The following ANKRD46 variants were observed in gnomAD, a reference collection of about 807,000 sequenced individuals.
ANKRD46 encodes the protein ankyrin repeat domain 46.
A neutral mutation model predicts 19.8 loss-of-function variants in ANKRD46; 13 were observed. The ratio of observed to expected loss-of-function variants is 0.66; its 90% CI spans 0.43 to 1.04. ANKRD46 has a LOEUF of 1.04. Among genes scored for constraint, ANKRD46 ranks in the 50% least tolerant of loss-of-function variants. The pLI, the probability that ANKRD46 is intolerant of heterozygous loss-of-function variation, is 0.00. For missense variants in ANKRD46, 185 were observed against 274.8 expected (o/e 0.67, Z 2.31); for synonymous variants, 91 against 106.9 (o/e 0.85, Z 0.92).
intron 1 of ANKRD46, among the ~76,000 whole-genome samples, chr8:100,552,427 T>C (rs138927068): frequency 6.6e-6 from 1 of 152,006 alleles, no homozygotes; most frequent in East Asian, 1.9e-4. Context: ...CAAACATGAA[T>C]TTAATATATT....
downstream of ANKRD46, among the ~76,000 whole-genome samples, chr8:100,518,789 T>C (rs1811674891): frequency 1.3e-5 from 2 of 151,760 alleles, no homozygotes; most frequent in African/African-American, 4.9e-5. Context: ...GAGGCAGAGC[T>C]TGCAGTGAGC....
rs1368916573 is a variant in ANKRD46 at position 100,544,898 on chromosome 8, TCA to T, written c.-130-11589_-130-11588del. Among the ~76,000 whole-genome samples the T allele has an allele frequency of 6.6e-6, 1 of 152,186 alleles. No individual in the cohort carries two copies. Among genetic ancestry groups the T allele is most frequent in the South Asian group, 2.1e-4 (1 of 4,820 alleles). ...AGCAACTCATAGAGTCTGGTGCTCT[TCA>T]CAGAGTGAACAAGCAGAGAAGCCCA... is the stretch of plus-strand genomic sequence containing the variant. On this transcript the variant is annotated intron_variant, in intron 1 of 4. Transcript: ENST00000335659. This position sits in a 1 kb window ranked among gnomAD's most constrained non-coding sequence, Gnocchi z 4.4.
At chr8:100,551,642 T>C (rs1030042312) in intron 1 of ANKRD46, 32 of 702,012 alleles carry the variant, frequency 4.6e-5, no homozygotes, top group South Asian at 1.3e-4. Flanking sequence ...TTTACTAGAG[T>C]TAAAAGCAGC....
chr8:100,516,254 T>C (rs144309771), downstream of ANKRD46, among the ~76,000 whole-genome samples: 24 of 152,350 alleles, frequency 1.6e-4, no homozygotes, highest in African/African-American at 4.3e-4. Flanking sequence ...TTGATTTCCA[T>C]AGTTTAGAAT....
At position 100,524,399 on chromosome 8, in the gene ANKRD46, T is replaced by C. The variant is rs1463925401; in HGVS notation, c.471-1628A>G. Among the ~76,000 whole-genome samples, 3 of 152,228 alleles carry C rather than the reference T, an allele frequency of 2.0e-5. No individual in the cohort carries two copies. The highest frequency in any genetic ancestry group is 1.9e-4 in the East Asian group (1 of 5,206). ...TTAACCTACAACTTTATTTTACTTC[T>C]TGATACCATCAAACAAAAGTCCTTC... is the stretch of plus-strand genomic sequence containing the variant. On this transcript the variant is annotated intron_variant, in intron 4 of 4. Transcript: ENST00000335659. This position sits in a 1 kb window ranked among gnomAD's most constrained non-coding sequence, Gnocchi z 4.3.
In ANKRD46 at chr8:100,529,264, C is replaced by T. The variant is rs1275204352; in HGVS notation, c.311+259G>A. On this transcript the variant is annotated intron_variant, in intron 3 of 4. Transcript: ENST00000335659. This position sits in a 1 kb window ranked among gnomAD's most constrained non-coding sequence, Gnocchi z 5.8. The stretch of plus-strand genomic sequence containing the variant: ...CAACAAATGTTCTTTTCTTCTTCTT[C>T]CCTTGTTGTAACACTACATAATTAG... Among the ~76,000 whole-genome samples, 2 of 152,210 alleles carry T rather than the reference C, an allele frequency of 1.3e-5. No homozygotes were observed. Among genetic ancestry groups the T allele is most frequent in the Non-Finnish European group, 2.9e-5 (2 of 68,034 alleles).
chr8:100,520,295 C>T (rs1017397607), downstream of ANKRD46, among the ~76,000 whole-genome samples: 7 of 152,066 alleles, frequency 4.6e-5, no homozygotes, highest in East Asian at 1.9e-4. Flanking sequence ...TGGTATCAGG[C>T]GAGGTTCTGG....
rs1026636563 is a variant in ANKRD46 at position 100,537,086 on chromosome 8, T to A, written c.-130-3775A>T. Among the ~76,000 whole-genome samples the A allele has an allele frequency of 1.3e-5, 2 of 152,232 alleles. No homozygotes were observed. The highest frequency in any genetic ancestry group is 4.8e-5 in the African/African-American group (2 of 41,452). ...GTCATGCCTAATTTTCTTTTATATC[T>A]CAAATTTTGGATCCACAATCTTAGG... is the stretch of plus-strand genomic sequence containing the variant. On this transcript the variant is annotated intron_variant, in intron 1 of 4. Coordinates refer to ENST00000335659, the MANE Select transcript of ANKRD46 (RefSeq NM_001270377.2). The surrounding 1 kb of genome is among the most constrained non-coding windows in gnomAD (Gnocchi z 4.2).
rs560051099 is a variant in ANKRD46 at position 100,543,250 on chromosome 8, A to G, written c.-130-9939T>C. ...GGCTTTGTTTGTTTAGACACTGTCA[A>G]TTAAAACTGATTCCCAGTGTTAGCA... On this transcript the variant is annotated intron_variant, in intron 1 of 4. Coordinates refer to ENST00000335659, the MANE Select transcript of ANKRD46 (RefSeq NM_001270377.2). The surrounding 1 kb of genome is among the most constrained non-coding windows in gnomAD (Gnocchi z 4.2). Among the ~76,000 whole-genome samples, 8 of 152,350 alleles carry G rather than the reference A, an allele frequency of 5.3e-5. No individual in the cohort carries two copies. The highest frequency in any genetic ancestry group is 1.9e-4 in the African/African-American group (8 of 41,584).
chr8:100,554,721 T>A (rs959622050), intron 1 of ANKRD46: 1 of 151,302 alleles, frequency 6.6e-6, no homozygotes, highest in African/African-American at 2.4e-5. Flanking sequence ...CAAAACCCTG[T>A]CTCAAAAAAA....
At chr8:100,551,640 A>G (rs1586803608) in intron 1 of ANKRD46, 1 of 700,764 alleles carries the variant, frequency 1.4e-6, no homozygotes, top group East Asian at 3.4e-5. Context: ...ACTTTACTAG[A>G]GTTAAAAGCA....
chr8:100,527,337 C>T lies in ANKRD46; in HGVS notation c.470+508G>A, dbSNP rs148322681. Among the ~76,000 whole-genome samples, 130 of 152,282 alleles carry T rather than the reference C, an allele frequency of 8.5e-4. 1 individual carries two copies. Among genetic ancestry groups the T allele is most frequent in the African/African-American group, 3.1e-3 (128 of 41,552 alleles). The stretch of plus-strand genomic sequence containing the variant: ...CTTGTTTTCTTGTTTCTCAGCATTC[C>T]ACTTCCCTACCCTTGAAACTACCTT... On this transcript the variant is annotated intron_variant, in intron 4 of 4. Coordinates refer to ENST00000335659, the MANE Select transcript of ANKRD46 (RefSeq NM_001270377.2). The surrounding 1 kb of genome is among the most constrained non-coding windows in gnomAD (Gnocchi z 4.0).
chr8:100,555,318 A>C (rs1812471519), intron 1 of ANKRD46, among the ~76,000 whole-genome samples: 1 of 151,732 alleles, frequency 6.6e-6, no homozygotes, highest in African/African-American at 2.4e-5. Flanking sequence ...TCTACACCAG[A>C]AGCAAAGAGG....
At position 100,510,647 on chromosome 8, in the gene ANKRD46, T is replaced by C; in HGVS notation, c.637-8A>G. ...AAGCCTCAGTGTCCTTCTCTGTAAA[T>C]GTGGGGAAGACAGATTAAAAAAAAA... On this transcript the variant is annotated splice_region_variant and splice_polypyrimidine_tract_variant and intron_variant, in intron 5 of 5. Coordinates refer to the ANKRD46 transcript ENST00000520552. This position sits in a 1 kb window ranked among gnomAD's most constrained non-coding sequence, Gnocchi z 4.9. The C allele has an allele frequency of 6.5e-7, 1 of 1,531,688 alleles. No individual in the cohort carries two copies. The highest frequency in any genetic ancestry group is 8.7e-7 in the Non-Finnish European group (1 of 1,144,968). The allele number at this position is 1,531,688 out of a possible 1,614,324, so 94.9% of individuals were successfully genotyped here.
rs1039193507 is a variant in ANKRD46, at chr8:100,532,053, G to T, written c.-28+1156C>A. Among the ~76,000 whole-genome samples, 1 of 152,146 alleles carries T rather than the reference G, an allele frequency of 6.6e-6. No individual in the cohort carries two copies. The highest frequency in any genetic ancestry group is 1.5e-5 in the Non-Finnish European group (1 of 68,024). On this transcript the variant is annotated intron_variant, in intron 2 of 4. Transcript: ENST00000335659. This position sits in a 1 kb window ranked among gnomAD's most constrained non-coding sequence, Gnocchi z 4.7. ...CACAACTTAATGACTCACTGGATAT[G>T]AAATGAAGGGTGAAAAGGGGCTGTT...
intron 5 of ANKRD46, among the ~76,000 whole-genome samples, chr8:100,514,273 G>A (rs1259645483): frequency 2.0e-5 from 3 of 152,016 alleles, no homozygotes; most frequent in Non-Finnish European, 2.9e-5. Context: ...GGGATACTGT[G>A]AAAAAGAGGA....
chr8:100,515,877 T>A (rs1269666717), downstream of ANKRD46, among the ~76,000 whole-genome samples: 1 of 151,636 alleles, frequency 6.6e-6, no homozygotes, highest in Non-Finnish European at 1.5e-5. Flanking sequence ...TGTTTTTGTT[T>A]TTTTTTTTTT....
intron 1 of ANKRD46, among the ~76,000 whole-genome samples, chr8:100,548,110 G>GA (rs11439843): frequency 0.37 from 54,834 of 147,002 alleles, 10,106 homozygotes; most frequent in Middle Eastern, 0.41. Flanking sequence ...TCTCAATACA[G>GA]AAAAAAAAAA....
rs1811861529 is a variant in ANKRD46 at position 100,527,382 on chromosome 8, C to T, written c.470+463G>A. On this transcript the variant is annotated intron_variant, in intron 4 of 4. Coordinates refer to ENST00000335659, the MANE Select transcript of ANKRD46 (RefSeq NM_001270377.2). The surrounding 1 kb of genome is among the most constrained non-coding windows in gnomAD (Gnocchi z 4.0). ...TACCTTTCAGTCTTTTCTAAAATTG[C>T]CCAAGTTCTTGGCTTTACTTATACT... Among the ~76,000 whole-genome samples, 1 of 152,174 alleles carries T rather than the reference C, an allele frequency of 6.6e-6. No homozygotes were observed. The highest frequency in any genetic ancestry group is 1.5e-5 in the Non-Finnish European group (1 of 68,032).
Sources: allele counts gnomAD v4.1 joint callset (sites outside exome capture counted in the v4.1 genomes callset), GRCh38; gene constraint gnomAD v4.1.1; non-coding constraint Gnocchi (gnomAD v3.1); transcripts MANE v1.5; gene names NCBI Gene and HGNC (gene_info 2026-07-23, HGNC 2026-07-21).